Variants in ANGPT1 observed in about 807,000 individuals in gnomAD.
ANGPT1 encodes angiopoietin 1, also known as angiopoietin-1.
In ANGPT1, 17 loss-of-function variants were observed where a neutral mutation model predicts 62.2. That is an observed-to-expected ratio of 0.27 (90% confidence interval 0.19 to 0.41). The LOEUF (loss-of-function observed/expected upper bound fraction) is 0.41. ANGPT1 is among the 10% of genes least tolerant of loss of function. The probability of loss-of-function intolerance (pLI) is 1.00; values close to 1 mark genes in which losing one functional copy is unlikely to be tolerated. For synonymous variants in ANGPT1, 199 were observed against 198.9 expected (o/e 1.00, Z 0.00); for missense variants, 478 against 594.9 (o/e 0.80, Z 2.04).
At chr8:107,301,991 A>C (rs534843198) in intron 5 of ANGPT1, among the ~76,000 whole-genome samples, 1 of 152,020 alleles carries the variant, frequency 6.6e-6, no homozygotes, top group East Asian at 1.9e-4. Context: ...GGAGACTAAC[A>C]ATCAGGAAGA....
At chr8:107,389,868 C>T (rs1264021143) in intron 1 of ANGPT1, among the ~76,000 whole-genome samples, 1 of 151,888 alleles carries the variant, frequency 6.6e-6, no homozygotes, top group East Asian at 1.9e-4. Flanking sequence ...GGCAAGGGTG[C>T]TGTACCATCC....
rs142501800 is a variant in ANGPT1 at position 107,401,937 on chromosome 8, A to C, written c.298-54840T>G. Reference sequence around the variant, plus strand: ...AATGTGATGTCCTTTTTTTGCCTTCATGCTTATTATGTTGGATAAAATAAT... The same window carrying C: ...AATGTGATGTCCTTTTTTTGCCTTCCTGCTTATTATGTTGGATAAAATAAT... On this transcript the variant is annotated intron_variant, in intron 1 of 8. Coordinates refer to ENST00000517746, the MANE Select transcript of ANGPT1 (RefSeq NM_001146.5). Among the ~76,000 whole-genome samples the C allele has an allele frequency of 2.6e-3, 392 of 152,204 alleles. 3 individuals carry two copies. Among genetic ancestry groups the C allele is most frequent in the African/African-American group, 9.1e-3 (378 of 41,548 alleles).
intron 1 of ANGPT1, among the ~76,000 whole-genome samples, chr8:107,352,827 A>G (rs1196719626): frequency 6.6e-6 from 1 of 152,212 alleles, no homozygotes; most frequent in East Asian, 1.9e-4. Context: ...ATAAAGCAAA[A>G]GGGTAAATAT....
intron 1 of ANGPT1, among the ~76,000 whole-genome samples, chr8:107,431,819 A>C (rs1457088210): frequency 6.6e-6 from 1 of 152,124 alleles, no homozygotes; most frequent in Non-Finnish European, 1.5e-5. Flanking sequence ...TTCATAAACC[A>C]AGTCTTTGCA....
rs756834084 is a variant in ANGPT1 at position 107,321,970 on chromosome 8, CTGT to C, written c.731_733del (p.Asn244del). 6.2e-7 allele frequency: 1 copy of C among 1,613,970 alleles called. No individual in the cohort carries two copies. The highest frequency in any genetic ancestry group is 8.5e-7 in the Non-Finnish European group (1 of 1,179,912). ...CTCCAGTTGCTGCTTCTGAAGGACA[CTGT>C]TGTTGGTGGTAGCTCTGTTTAATTG... On this transcript the variant is annotated inframe_deletion, in exon 4 of 9. Coordinates refer to ENST00000517746, the MANE Select transcript of ANGPT1 (RefSeq NM_001146.5).
At chr8:107,306,501 T>C (rs1814721261) in intron 4 of ANGPT1, among the ~76,000 whole-genome samples, 1 of 152,126 alleles carries the variant, frequency 6.6e-6, no homozygotes, top group South Asian at 2.1e-4. Context: ...TTCAATCTCA[T>C]GACTTTTTGC....
chr8:107,367,856 C>T (rs1816308646), intron 1 of ANGPT1, among the ~76,000 whole-genome samples: 1 of 152,206 alleles, frequency 6.6e-6, no homozygotes, highest in Admixed American at 6.5e-5. Context: ...ACTTCTAATT[C>T]TAATTCTCTT....
chr8:107,396,889 T>A (rs1157848761), intron 1 of ANGPT1, among the ~76,000 whole-genome samples: 1 of 151,990 alleles, frequency 6.6e-6, no homozygotes, highest in Non-Finnish European at 1.5e-5. Flanking sequence ...TTTTATGAGA[T>A]TGACTAAAAG....
intron 1 of ANGPT1, among the ~76,000 whole-genome samples, chr8:107,352,048 G>A (rs1327219651): frequency 1.3e-5 from 2 of 152,146 alleles, no homozygotes; most frequent in Non-Finnish European, 2.9e-5. Context: ...GGCAGAGCTG[G>A]TATGTTGCTT....
At position 107,497,576 on chromosome 8, in the gene ANGPT1, C is replaced by A; in HGVS notation, c.-18G>T. 1 of 1,602,912 alleles carries A rather than the reference C, an allele frequency of 6.2e-7. No homozygotes were observed. Among genetic ancestry groups the A allele is most frequent in the Non-Finnish European group, 8.5e-7 (1 of 1,172,794 alleles). Reference sequence around the variant, plus strand: ...ACTGTCATTGTACTGCCAGCACACTCCTTCCGTGCCTCTCGCAAAACTTGC... The same window carrying A: ...ACTGTCATTGTACTGCCAGCACACTACTTCCGTGCCTCTCGCAAAACTTGC... On this transcript the variant is annotated 5_prime_UTR_variant, in exon 1 of 9. Transcript: ENST00000517746.
intron 1 of ANGPT1, among the ~76,000 whole-genome samples, chr8:107,405,031 C>G (rs1470675510): frequency 6.6e-6 from 1 of 151,802 alleles, no homozygotes; most frequent in Non-Finnish European, 1.5e-5. Context: ...GTTGATGATT[C>G]CATGTTATAT....
intron 1 of ANGPT1, among the ~76,000 whole-genome samples, chr8:107,439,494 G>A (rs955641055): frequency 6.6e-6 from 1 of 152,194 alleles, no homozygotes; most frequent in Admixed American, 6.5e-5. Flanking sequence ...ATTTATGGCT[G>A]TCAGAGAGCT....
intron 5 of ANGPT1, among the ~76,000 whole-genome samples, chr8:107,297,626 T>C (rs944045312): frequency 4.0e-5 from 6 of 149,480 alleles, no homozygotes; most frequent in African/African-American, 1.5e-4. Flanking sequence ...ATAGAAAATA[T>C]ACAAAACCAA....
chr8:107,347,223 A>T, intron 1 of ANGPT1, 126 bp from the exon 2 acceptor site: 1 of 907,718 alleles, frequency 1.1e-6, no homozygotes. Flanking sequence ...GATCCTCTAC[A>T]TCTCTGGGAG....
chr8:107,432,450 G>T (rs192172649), intron 1 of ANGPT1, among the ~76,000 whole-genome samples: 1 of 152,242 alleles, frequency 6.6e-6, no homozygotes, highest in Admixed American at 6.5e-5. Flanking sequence ...AGATCACGAG[G>T]TCAGGAGATC....
intron 7 of ANGPT1, among the ~76,000 whole-genome samples, chr8:107,281,932 C>T (rs1056255525): frequency 7.2e-5 from 11 of 151,750 alleles, no homozygotes; most frequent in Admixed American, 2.6e-4. Flanking sequence ...TTCAGAGGGA[C>T]GAGACATGAA....
chr8:107,357,835 C>G (rs1816079452), intron 1 of ANGPT1, among the ~76,000 whole-genome samples: 1 of 152,086 alleles, frequency 6.6e-6, no homozygotes, highest in Non-Finnish European at 1.5e-5. Flanking sequence ...CATCATTTTA[C>G]TCTGGTATTT....
chr8:107,464,231 T>C (rs1220069617), intron 1 of ANGPT1, among the ~76,000 whole-genome samples: 2 of 152,130 alleles, frequency 1.3e-5, no homozygotes, highest in African/African-American at 2.4e-5. Flanking sequence ...AATACACATA[T>C]AGTATTTGAA....
rs1814582947 is a variant in ANGPT1, at chr8:107,301,346, G to C, written c.936+1894C>G. Among the ~76,000 whole-genome samples the C allele has an allele frequency of 4.6e-5, 7 of 151,910 alleles. 1 individual carries two copies. The South Asian group carries it at 1.0e-3, about 22-fold the overall frequency. ...TAATTTAGAGGTTCTTTCAGGTCTT[G>C]AGTAGTACTGTAGGTAAATGATAAA... On this transcript the variant is annotated intron_variant, in intron 5 of 8. Coordinates refer to ENST00000517746, the MANE Select transcript of ANGPT1 (RefSeq NM_001146.5).
Sources: gnomAD v4.1 joint callset for allele counts (sites outside exome capture counted in the v4.1 genomes callset) on GRCh38, gnomAD v4.1.1 for gene constraint, MANE v1.5 for transcripts, NCBI Gene and HGNC (gene_info 2026-07-23, HGNC 2026-07-21) for gene names.